Variants in SORBS2 observed in about 807,000 individuals in gnomAD.
SORBS2 encodes the protein sorbin and SH3 domain containing 2.
In SORBS2, 46 loss-of-function variants were observed where a neutral mutation model predicts 97.7. The ratio of observed to expected loss-of-function variants is 0.47; its 90% CI spans 0.37 to 0.60. The LOEUF is 0.60. Among genes scored for constraint, SORBS2 ranks in the 20% least tolerant of loss-of-function variants. The pLI is 0.00. For synonymous variants in SORBS2, 476 were observed against 473.4 expected, an observed-to-expected ratio of 1.01 and a Z score of -0.07; for missense variants, 1,316 against 1,282.3, an observed-to-expected ratio of 1.03 and a Z score of -0.40.
Position 185,831,026 on chromosome 4 carries a change from C to A in SORBS2, c.-337-55660G>T, listed in dbSNP as rs532303408. 3.3e-5 allele frequency among the ~76,000 whole-genome samples: 5 copies of A among 152,272 alleles called. No homozygotes were observed. The South Asian group carries it at 1.0e-3, about 32-fold the overall frequency. On this transcript the variant is annotated intron_variant, in intron 1 of 20. Transcript: ENST00000284776. ...TCCTTATTTGGGCGCTATTCTAATT[C>A]CTCCATTCAACACGGTGTTTCAGAT...
At chr4:185,851,058 G>A (rs6822562) in intron 1 of SORBS2, among the ~76,000 whole-genome samples, 35,653 of 152,008 alleles carry the variant, frequency 0.23, 4,600 homozygotes, top group Middle Eastern at 0.35. Context: ...ACAGCAGATC[G>A]TGGGATTTCC....
At chr4:185,847,608 G>A (rs1288119663) in intron 1 of SORBS2, among the ~76,000 whole-genome samples, 3 of 152,172 alleles carry the variant, frequency 2.0e-5, no homozygotes, top group Non-Finnish European at 4.4e-5. Flanking sequence ...TGGCATGTGT[G>A]AAATTCCACT....
At chr4:185,790,601 T>G (rs1584890934) in intron 1 of SORBS2, among the ~76,000 whole-genome samples, 3 of 152,334 alleles carry the variant, frequency 2.0e-5, no homozygotes, top group South Asian at 2.1e-4. Flanking sequence ...AACTCATATT[T>G]TACTCAATTT....
At chr4:185,830,125 T>C (rs1304894179) in intron 1 of SORBS2, among the ~76,000 whole-genome samples, 4 of 152,244 alleles carry the variant, frequency 2.6e-5, no homozygotes, top group Non-Finnish European at 4.4e-5. Flanking sequence ...TGGTGATTTT[T>C]CCAAGTCAAA....
At chr4:185,796,026 C>T (rs1417136822) in intron 1 of SORBS2, among the ~76,000 whole-genome samples, 1 of 152,190 alleles carries the variant, frequency 6.6e-6, no homozygotes, top group Non-Finnish European at 1.5e-5. Flanking sequence ...TTCATCTTTT[C>T]TTCCTGGATT....
intron 1 of SORBS2, among the ~76,000 whole-genome samples, chr4:185,781,426 C>T (rs934875099): frequency 5.3e-5 from 8 of 152,272 alleles, no homozygotes; most frequent in African/African-American, 7.2e-5. Flanking sequence ...AGGCCCTGCA[C>T]GATCTGGTGT....
intron 1 of SORBS2, among the ~76,000 whole-genome samples, chr4:185,833,849 A>G (rs781599614): frequency 1.3e-5 from 2 of 152,210 alleles, no homozygotes; most frequent in East Asian, 3.8e-4. Flanking sequence ...TTCGTTTCAT[A>G]TATTGCATTC....
At chr4:185,710,175 A>G (rs1180379272) in intron 2 of SORBS2, among the ~76,000 whole-genome samples, 2 of 120,556 alleles carry the variant, frequency 1.7e-5, no homozygotes. Context: ...TCCAACACCT[A>G]TAACTCTTTT....
intron 6 of SORBS2, among the ~76,000 whole-genome samples, chr4:185,625,825 C>T (rs2096801573): frequency 6.6e-6 from 1 of 152,212 alleles, no homozygotes. Context: ...ACCAGAATAC[C>T]TTTTGCACAC....
chr4:185,604,923 C>G (rs558869095), intron 12 of SORBS2, among the ~76,000 whole-genome samples: 1 of 152,052 alleles, frequency 6.6e-6, no homozygotes, highest in South Asian at 2.1e-4. Context: ...GCCGTGGCCC[C>G]GCGTGCAGGG....
At chr4:185,942,798 A>C (rs10017824) in intron 1 of SORBS2, among the ~76,000 whole-genome samples, 19,558 of 152,190 alleles carry the variant, frequency 0.13, 1,530 homozygotes, top group Middle Eastern at 0.24. Flanking sequence ...ATAGGGAAAG[A>C]GATCATGTAT....
chr4:185,626,790 C>A (rs369061646), intron 6 of SORBS2, 42 bp downstream of exon 18: 1 of 1,599,374 alleles, frequency 6.3e-7, no homozygotes, highest in Non-Finnish European at 8.6e-7. Context: ...TAGGCTAAAA[C>A]GTAAACTAGT....
chr4:185,833,885 T>A lies in SORBS2; in HGVS notation c.-337-58519A>T, dbSNP rs546707896. On this transcript the variant is annotated intron_variant, in intron 1 of 20. Transcript: ENST00000284776. ...AAAAGCACTTGATGTTTTTGCGTCA[T>A]ATAAATAGTGTCTATCTTCCTCATT... 2.0e-5 allele frequency among the ~76,000 whole-genome samples: 3 copies of A among 152,210 alleles called. No homozygotes were observed. In the East Asian group the frequency reaches 5.8e-4, roughly 29 times the overall value.
At chr4:185,917,224 T>C (rs937598058) in intron 1 of SORBS2, among the ~76,000 whole-genome samples, 4 of 152,142 alleles carry the variant, frequency 2.6e-5, no homozygotes, top group Non-Finnish European at 5.9e-5. Flanking sequence ...TCTGTATCCT[T>C]TGTATCCTTT....
intron 2 of SORBS2, among the ~76,000 whole-genome samples, chr4:185,702,064 G>A (rs1384766419): frequency 6.6e-6 from 1 of 152,116 alleles, no homozygotes; most frequent in Non-Finnish European, 1.5e-5. Flanking sequence ...CCACTGTGCT[G>A]GGCCGCAAAT....
rs1393865320 is a variant in SORBS2, at chr4:185,610,612, A to G, written c.2796+1168T>C. ...CTCTCTTAAGATGGCAGATTCTTAG[A>G]TCATTTCCTCATATAAAATCCTTCT... On this transcript the variant is annotated intron_variant, in intron 12 of 14. Coordinates refer to ENST00000418609, the Ensembl canonical transcript of SORBS2. Among the ~76,000 whole-genome samples, 4 of 152,256 alleles carry G rather than the reference A, an allele frequency of 2.6e-5. No homozygotes were observed. The East Asian group carries it at 7.7e-4, about 29-fold the overall frequency.
At chr4:185,947,222 G>A (rs962670130) in intron 1 of SORBS2, among the ~76,000 whole-genome samples, 3 of 152,122 alleles carry the variant, frequency 2.0e-5, no homozygotes, top group Admixed American at 1.3e-4. Flanking sequence ...CAGCAATCTC[G>A]CTGCCACAGT....
chr4:185,741,513 C>T (rs1431449697), intron 2 of SORBS2, among the ~76,000 whole-genome samples: 5 of 146,076 alleles, frequency 3.4e-5, no homozygotes, highest in Non-Finnish European at 7.4e-5. Context: ...AAGAGATTCT[C>T]CTGCCTCAGT....
At chr4:185,786,161 TATTTTA>T (rs902782181) in intron 1 of SORBS2, among the ~76,000 whole-genome samples, 13 of 152,242 alleles carry the variant, frequency 8.5e-5, no homozygotes, top group Non-Finnish European at 1.5e-4. Flanking sequence ...TTTTTTTTTC[TATTTTA>T]ATTTTAAACA....
Sources: gnomAD v4.1 joint callset for allele counts (sites outside exome capture counted in the v4.1 genomes callset) on GRCh38, gnomAD v4.1.1 for gene constraint, MANE v1.5 for transcripts, NCBI Gene and HGNC (gene_info 2026-07-23, HGNC 2026-07-21) for gene names.